SAMD5: variants seen among roughly 807,000 people sequenced by gnomAD.
SAMD5 encodes the protein sterile alpha motif domain containing 5, also known as sterile alpha motif domain-containing protein 5.
Under a neutral mutation model 11.3 loss-of-function variants are expected in SAMD5, and 13 were observed. That is an observed-to-expected ratio of 1.15 (90% CI 0.75 to 1.83). The LOEUF is 1.83. Ranked by LOEUF, SAMD5 falls within the 40% of genes most tolerant of loss-of-function variation. SAMD5 has a pLI of 0.00. For missense variants in SAMD5, 255 were observed against 239.1 expected (o/e 1.07, Z -0.44); for synonymous variants, 129 against 111.3 (o/e 1.16, Z -1.00).
At chr6:147,896,755 A>AACAAACAAAC in the SAMD5 span, among the ~76,000 whole-genome samples, 3 of 142,462 alleles carry the variant, frequency 2.1e-5, no homozygotes, top group East Asian at 2.0e-4. Context: ...AAAAAAAAAA[A>AACAAACAAAC]AAAAAAAACG....
At chr6:147,881,389 G>A in the SAMD5 span, among the ~76,000 whole-genome samples, 9 of 152,098 alleles carry the variant, frequency 5.9e-5, no homozygotes, top group African/African-American at 1.9e-4. Context: ...AAGGTTCCCC[G>A]CGGCAGAGGT....
At chr6:147,773,802 A>G in the SAMD5 span, among the ~76,000 whole-genome samples, 1 of 151,998 alleles carries the variant, frequency 6.6e-6, no homozygotes, top group African/African-American at 2.4e-5. Flanking sequence ...CTGTCTTCCC[A>G]ATGTGTTCTC....
At chr6:147,688,356 T>G (rs1281889488) in intron 1 of SAMD5, among the ~76,000 whole-genome samples, 1 of 152,210 alleles carries the variant, frequency 6.6e-6, no homozygotes, top group Non-Finnish European at 1.5e-5. Context: ...AAATATAGTG[T>G]ACTAAAATGT....
At chr6:147,814,647 G>A in the SAMD5 span, among the ~76,000 whole-genome samples, 9 of 152,162 alleles carry the variant, frequency 5.9e-5, no homozygotes, top group Admixed American at 1.3e-4. Context: ...GAAGCACACC[G>A]TGTAGTTTAG....
chr6:147,801,520 C>CT, the SAMD5 span, among the ~76,000 whole-genome samples: 7 of 152,182 alleles, frequency 4.6e-5, no homozygotes, highest in African/African-American at 1.7e-4. Flanking sequence ...CCAAAGCCTT[C>CT]TTTTCTCACC....
At chr6:147,919,252 A>T in the SAMD5 span, among the ~76,000 whole-genome samples, 1 of 152,230 alleles carries the variant, frequency 6.6e-6, no homozygotes, top group Non-Finnish European at 1.5e-5. Context: ...GCCCCATCAA[A>T]AATCTAGAGA....
intron 1 of SAMD5, among the ~76,000 whole-genome samples, chr6:147,636,945 G>A (rs1790239180): frequency 6.6e-6 from 1 of 151,958 alleles, no homozygotes; most frequent in South Asian, 2.1e-4. Context: ...CGTATTGGGT[G>A]AAGAGGGGTG....
At chr6:147,922,135 G>T in the SAMD5 span, among the ~76,000 whole-genome samples, 4 of 152,088 alleles carry the variant, frequency 2.6e-5, no homozygotes, top group Admixed American at 1.3e-4. Flanking sequence ...TTGAGGTCCC[G>T]CTCTGAGTCC....
intron 1 of SAMD5, among the ~76,000 whole-genome samples, chr6:147,673,451 G>A (rs1374825134): frequency 6.6e-6 from 1 of 152,104 alleles, no homozygotes; most frequent in Non-Finnish European, 1.5e-5. Flanking sequence ...CTGACCTCTT[G>A]ATCCGTCTGC....
the SAMD5 span, among the ~76,000 whole-genome samples, chr6:147,827,266 A>G: frequency 5.9e-5 from 9 of 152,138 alleles, no homozygotes; most frequent in African/African-American, 2.2e-4. Context: ...GATGGTGCGA[A>G]AAACTTGTTC....
the SAMD5 span, among the ~76,000 whole-genome samples, chr6:147,793,220 T>C: frequency 6.6e-6 from 1 of 152,184 alleles, no homozygotes; most frequent in African/African-American, 2.4e-5. Context: ...TTTACTTCTA[T>C]GGCGCCTTAT....
chr6:147,913,920 C>G, the SAMD5 span, among the ~76,000 whole-genome samples: 1 of 152,090 alleles, frequency 6.6e-6, no homozygotes, highest in Admixed American at 6.6e-5. Context: ...TGAAAGACAC[C>G]CATGAGCAGT....
At chr6:147,546,919 A>G (rs1583076926) in intron 1 of SAMD5, among the ~76,000 whole-genome samples, 1 of 152,132 alleles carries the variant, frequency 6.6e-6, no homozygotes, top group Non-Finnish European at 1.5e-5. Context: ...ACTGTAGTTT[A>G]TTCTAGTTAC....
chr6:147,863,366 G>A, the SAMD5 span, among the ~76,000 whole-genome samples: 2 of 152,168 alleles, frequency 1.3e-5, no homozygotes, highest in Admixed American at 6.5e-5. Context: ...CCTCTCTGGT[G>A]TATTATAACT....
the SAMD5 span, among the ~76,000 whole-genome samples, chr6:147,847,124 C>G: frequency 1.3e-5 from 2 of 152,142 alleles, no homozygotes; most frequent in African/African-American, 2.4e-5. Context: ...GAGGTTCAAA[C>G]CAGTGAAGAC....
Position 147,599,920 on chromosome 6 carries a change from G to T in SAMD5, c.162+90533G>T, listed in dbSNP as rs142760868. ...AGGGCTCCAAGAGGTCCCAGTAGGT[G>T]TGTATGGGACCAGGAGGTATATATA... On this transcript the variant is annotated intron_variant, in intron 1 of 1. Transcript: ENST00000566741. Among the ~76,000 whole-genome samples the T allele has an allele frequency of 4.4e-4, 67 of 152,276 alleles. 1 individual carries two copies. Among genetic ancestry groups the T allele is most frequent in the African/African-American group, 1.5e-3 (64 of 41,552 alleles).
intron 1 of SAMD5, among the ~76,000 whole-genome samples, chr6:147,689,169 G>C (rs1035437727): frequency 2.0e-5 from 3 of 152,128 alleles, no homozygotes; most frequent in African/African-American, 7.2e-5. Flanking sequence ...AGAGGGGCAA[G>C]ACAAAATCCA....
the SAMD5 span, among the ~76,000 whole-genome samples, chr6:147,939,147 A>T: frequency 1.3e-5 from 2 of 152,284 alleles, no homozygotes; most frequent in African/African-American, 4.8e-5. Context: ...GAAGCAGCCA[A>T]TTGGAAGAGA....
At chr6:147,790,870 T>C in the SAMD5 span, among the ~76,000 whole-genome samples, 4 of 149,672 alleles carry the variant, frequency 2.7e-5, no homozygotes, top group Admixed American at 2.7e-4. Context: ...AAACTTTTCA[T>C]CTGCTTCCTT....
Sources: allele counts gnomAD v4.1 joint callset (sites outside exome capture counted in the v4.1 genomes callset), GRCh38; gene constraint gnomAD v4.1.1; transcripts MANE v1.5; gene names NCBI Gene and HGNC (gene_info 2026-07-23, HGNC 2026-07-21).